Variants in AGBL1 observed in about 807,000 individuals in gnomAD.
AGBL1 encodes the protein cytosolic carboxypeptidase 4.
A neutral mutation model predicts 118.9 loss-of-function variants in AGBL1; 130 were observed. The observed-to-expected ratio is 1.09, with a 90% CI of 0.95 to 1.26. AGBL1 has a LOEUF of 1.26. Among genes scored for constraint, AGBL1 ranks in the 50% most tolerant of loss-of-function variants. The pLI is 0.00. For missense variants in AGBL1, 1,584 were observed against 1,298.1 expected, an observed-to-expected ratio of 1.22 and a Z score of -3.38; for synonymous variants, 555 against 478.9, an observed-to-expected ratio of 1.16 and a Z score of -2.08.
intron 23 of AGBL1, among the ~76,000 whole-genome samples, chr15:86,948,260 G>A (rs1177103305): frequency 6.6e-6 from 1 of 151,886 alleles, no homozygotes; most frequent in East Asian, 1.9e-4. Flanking sequence ...TGAGCACCTA[G>A]AAAACACCAA....
At chr15:86,815,871 T>C (rs915422657) in intron 22 of AGBL1, among the ~76,000 whole-genome samples, 8 of 152,152 alleles carry the variant, frequency 5.3e-5, no homozygotes, top group African/African-American at 1.9e-4. Flanking sequence ...AAACAGAACA[T>C]TTATAGCAAA....
intron 5 of AGBL1, among the ~76,000 whole-genome samples, chr15:86,214,480 A>G (rs1567131462): frequency 6.6e-6 from 1 of 152,238 alleles, no homozygotes; most frequent in Non-Finnish European, 1.5e-5. Context: ...ATAGTTGTAC[A>G]TCCATGTATA....
At chr15:86,101,385 A>C (rs1463974665) in intron 1 of AGBL1, among the ~76,000 whole-genome samples, 1 of 132,862 alleles carries the variant, frequency 7.5e-6, no homozygotes, top group Non-Finnish European at 1.6e-5. Flanking sequence ...TTGGTCTAAT[A>C]CGTAGCTTAA....
intron 16 of AGBL1, among the ~76,000 whole-genome samples, chr15:86,293,743 C>T (rs2079586634): frequency 6.6e-6 from 1 of 152,076 alleles, no homozygotes; most frequent in African/African-American, 2.4e-5. Flanking sequence ...ACACTACTTC[C>T]CTTTCCATAT....
chr15:86,598,771 A>G (rs1433663983), intron 21 of AGBL1, among the ~76,000 whole-genome samples: 1 of 152,140 alleles, frequency 6.6e-6, no homozygotes, highest in Admixed American at 6.6e-5. Context: ...CTTACTGTAG[A>G]TATGTTAATG....
intron 5 of AGBL1, among the ~76,000 whole-genome samples, chr15:86,206,355 T>C (rs1176365483): frequency 6.6e-6 from 1 of 152,200 alleles, no homozygotes; most frequent in African/African-American, 2.4e-5. Context: ...GGTCAAATGG[T>C]ACTTCTAGTT....
At chr15:86,763,026 A>G (rs887580612) in intron 22 of AGBL1, among the ~76,000 whole-genome samples, 63 of 152,038 alleles carry the variant, frequency 4.1e-4, no homozygotes, top group African/African-American at 1.4e-3. Context: ...AATTTTGTGT[A>G]AATGAAAAGC....
chr15:86,276,600 C>T (rs1332324883), intron 15 of AGBL1, among the ~76,000 whole-genome samples: 1 of 152,080 alleles, frequency 6.6e-6, no homozygotes, highest in Non-Finnish European at 1.5e-5. Context: ...ATGGTCCTTG[C>T]CATAAAGTAT....
chr15:86,496,585 C>A (rs2082858012), intron 18 of AGBL1, among the ~76,000 whole-genome samples: 1 of 151,920 alleles, frequency 6.6e-6, no homozygotes, highest in Non-Finnish European at 1.5e-5. Context: ...TATTTAACAT[C>A]ATTTTTTAAC....
intron 5 of AGBL1, among the ~76,000 whole-genome samples, chr15:86,205,542 A>T (rs148451515): frequency 2.2e-4 from 34 of 152,332 alleles, no homozygotes; most frequent in Middle Eastern, 3.4e-3. Flanking sequence ...CTGTCTTCCA[A>T]AGTGGTTGTT....
chr15:86,387,264 AGT>A (rs1291478759), intron 17 of AGBL1, among the ~76,000 whole-genome samples: 3 of 152,170 alleles, frequency 2.0e-5, no homozygotes, highest in African/African-American at 7.2e-5. Context: ...GAAAGGACAC[AGT>A]GTGTTTTGGG....
chr15:86,620,619 C>T (rs1157564579), intron 21 of AGBL1, among the ~76,000 whole-genome samples: 2 of 152,202 alleles, frequency 1.3e-5, no homozygotes, highest in Non-Finnish European at 2.9e-5. Context: ...AATCTATCCT[C>T]TGCATGCATT....
intron 18 of AGBL1, among the ~76,000 whole-genome samples, chr15:86,424,280 A>G (rs1349835667): frequency 1.3e-5 from 2 of 152,204 alleles, no homozygotes; most frequent in Non-Finnish European, 2.9e-5. Flanking sequence ...AAAAACAAGC[A>G]ATGGGGAAAG....
At chr15:86,502,261 A>C (rs1303438360) in intron 18 of AGBL1, among the ~76,000 whole-genome samples, 1 of 151,608 alleles carries the variant, frequency 6.6e-6, no homozygotes, top group East Asian at 1.9e-4. Flanking sequence ...ATGTATGTAA[A>C]TAAATTGATA....
At chr15:86,110,801 G>A (rs1270621220) in intron 1 of AGBL1, among the ~76,000 whole-genome samples, 3 of 152,162 alleles carry the variant, frequency 2.0e-5, no homozygotes, top group Non-Finnish European at 4.4e-5. Flanking sequence ...TTCTGAACGA[G>A]CCTAGCAGTG....
Position 86,745,430 on chromosome 15 carries a change from C to G in AGBL1, c.3158+70994C>G, listed in dbSNP as rs554146855. On this transcript the variant is annotated intron_variant, in intron 22 of 22. Transcript: ENST00000614907. Reference sequence around the variant, plus strand: ...AAAGTCCGTTGTTTTAAACATGCATCTATGCCACAGGAAAAGTTGTCAGTA... The same window carrying G: ...AAAGTCCGTTGTTTTAAACATGCATGTATGCCACAGGAAAAGTTGTCAGTA... 3.3e-5 allele frequency among the ~76,000 whole-genome samples: 5 copies of G among 152,084 alleles called. No homozygotes were observed. The South Asian group carries it at 1.0e-3, about 32-fold the overall frequency.
chr15:86,243,731 G>A lies in AGBL1; in HGVS notation c.527-3940G>A, dbSNP rs145667362. Among the ~76,000 whole-genome samples the A allele has an allele frequency of 8.9e-3, 1,360 of 152,226 alleles. 25 individuals are homozygous for A. Among genetic ancestry groups the A allele is most frequent in the South Asian group, 0.011 (53 of 4,824 alleles). On this transcript the variant is annotated intron_variant, in intron 6 of 22. Coordinates refer to ENST00000614907, the MANE Select transcript of AGBL1 (RefSeq NM_001386094.1). ...AGTTTAAAAGATACTAATGTAGGCC[G>A]GGCATGGTGGGTCACGCCTGTAATT...
At chr15:86,127,999 C>T (rs538367513) in intron 1 of AGBL1, among the ~76,000 whole-genome samples, 1 of 152,102 alleles carries the variant, frequency 6.6e-6, no homozygotes, top group East Asian at 1.9e-4. Flanking sequence ...TTGATTGGGC[C>T]ATTCATATGT....
chr15:86,178,122 G>A (rs1193294114), intron 5 of AGBL1, among the ~76,000 whole-genome samples: 2 of 152,094 alleles, frequency 1.3e-5, no homozygotes, highest in Admixed American at 6.5e-5. Context: ...GACCATCCTG[G>A]CCAACGTGAT....
Sources: gnomAD v4.1 joint callset for allele counts (sites outside exome capture counted in the v4.1 genomes callset) on GRCh38, gnomAD v4.1.1 for gene constraint, MANE v1.5 for transcripts, NCBI Gene and HGNC (gene_info 2026-07-23, HGNC 2026-07-21) for gene names.